SLC44A5: variants seen among roughly 807,000 people sequenced by gnomAD.
SLC44A5 encodes the protein solute carrier family 44 member 5.
SLC44A5 carries 57 observed loss-of-function variants against 101.8 expected under a neutral mutation model. That is an observed-to-expected ratio of 0.56 (90% confidence interval 0.45 to 0.70). SLC44A5 has a LOEUF of 0.70. Among genes scored for constraint, SLC44A5 ranks in the 30% least tolerant of loss-of-function variants. The pLI, the probability that SLC44A5 is intolerant of heterozygous loss-of-function variation, is 0.00. For synonymous variants in SLC44A5, 281 were observed against 290.9 expected (o/e 0.97, Z 0.35); for missense variants, 737 against 853.1 (o/e 0.86, Z 1.70).
In SLC44A5 at chr1:75,218,556, C is replaced by T; in HGVS notation, c.1463G>A (p.Trp488Ter). The change falls in exon 17 of 24, where the codon TGG becomes TAG. Residue 488 changes from tryptophan (W) to a stop codon, truncating the protein, a stop_gained. Coordinates refer to ENST00000370859, the MANE Select transcript of SLC44A5 (RefSeq NM_001130058.2). LOFTEE classifies it high-confidence loss of function. ...GATGTCATCAGGTTTTTTCATGGCCCAGTAATAAGTAGCGAATGCACCAGC... is the reference window on the plus strand; with the variant it reads ...GATGTCATCAGGTTTTTTCATGGCCTAGTAATAAGTAGCGAATGCACCAGC... The part of the protein sequence containing the change: ...ALAGAFATYY[W>*]AMKKPDDIPR... The T allele has an allele frequency of 6.2e-7, 1 of 1,613,710 alleles. No individual in the cohort carries two copies. The highest frequency in any genetic ancestry group is 8.5e-7 in the Non-Finnish European group (1 of 1,179,762).
chr1:75,414,027 G>A (rs991738071), intron 2 of SLC44A5, among the ~76,000 whole-genome samples: 2 of 152,126 alleles, frequency 1.3e-5, no homozygotes, highest in Admixed American at 6.5e-5. Flanking sequence ...AAAGGGAACC[G>A]TAATTTTTTC....
intron 4 of SLC44A5, among the ~76,000 whole-genome samples, chr1:75,314,775 A>G (rs78870733): frequency 0.05 from 7,558 of 152,220 alleles, 229 homozygotes; most frequent in Middle Eastern, 0.12. Flanking sequence ...GATCTATCAA[A>G]TTTGATTTTA....
chr1:75,719,046 T>A, the SLC44A5 span, among the ~76,000 whole-genome samples: 1 of 152,146 alleles, frequency 6.6e-6, no homozygotes, highest in Non-Finnish European at 1.5e-5. Context: ...ATGGTCTATT[T>A]TCAGACATGA....
At chr1:75,215,962 G>A (rs1172049411) in intron 18 of SLC44A5, 105 bp from the exon 19 acceptor site, 2 of 667,634 alleles carry the variant, frequency 3.0e-6, no homozygotes, top group South Asian at 2.0e-5. Context: ...ATTTTTTATT[G>A]TTATAAAATA....
chr1:75,331,314 C>A (rs1431447188), intron 4 of SLC44A5, among the ~76,000 whole-genome samples: 3 of 152,136 alleles, frequency 2.0e-5, no homozygotes, highest in Non-Finnish European at 4.4e-5. Context: ...CCTCTCTAAT[C>A]TTTTCATCTG....
At chr1:75,641,724 T>A in the SLC44A5 span, 1 of 1,568,546 alleles carries the variant, frequency 6.4e-7, no homozygotes, top group Non-Finnish European at 8.8e-7. Context: ...AAGTCATTGA[T>A]TACAAATGGA....
intron 2 of SLC44A5, among the ~76,000 whole-genome samples, chr1:75,536,801 T>G (rs1671043848): frequency 6.9e-6 from 1 of 144,080 alleles, no homozygotes; most frequent in African/African-American, 2.5e-5. Flanking sequence ...GGTCAGGAGA[T>G]CGAGACCATC....
chr1:75,236,759 A>T (rs945876803), intron 11 of SLC44A5, among the ~76,000 whole-genome samples: 3 of 152,070 alleles, frequency 2.0e-5, no homozygotes, highest in African/African-American at 7.2e-5. Flanking sequence ...TAGTGAATAA[A>T]ATTAAAATTT....
the SLC44A5 span, among the ~76,000 whole-genome samples, chr1:75,617,246 TCTC>T: frequency 6.6e-6 from 1 of 152,076 alleles, no homozygotes; most frequent in Non-Finnish European, 1.5e-5. Context: ...TCTTAACACT[TCTC>T]CTTTCCTCCT....
chr1:75,672,232 C>A, the SLC44A5 span, among the ~76,000 whole-genome samples: 5 of 152,102 alleles, frequency 3.3e-5, no homozygotes, highest in Non-Finnish European at 1.5e-5. Context: ...CCTATGCCAC[C>A]CTTCCCCCAT....
chr1:75,582,155 C>A, intron 1 of SLC44A5: 1 of 779,084 alleles, frequency 1.3e-6, no homozygotes, highest in Non-Finnish European at 2.3e-6. Flanking sequence ...ACAGAAATTG[C>A]CTCAAGAAAC....
At chr1:75,315,272 C>T (rs1019087038) in intron 4 of SLC44A5, among the ~76,000 whole-genome samples, 4 of 152,058 alleles carry the variant, frequency 2.6e-5, no homozygotes, top group African/African-American at 9.7e-5. Context: ...CATCTATATA[C>T]AAAAGCTTAA....
At chr1:75,207,748 G>C (rs187044552) in intron 23 of SLC44A5, among the ~76,000 whole-genome samples, 11 of 152,146 alleles carry the variant, frequency 7.2e-5, no homozygotes, top group Admixed American at 6.5e-4. Context: ...ACTTTCTGTG[G>C]TTTTAGTTAC....
intron 1 of SLC44A5, among the ~76,000 whole-genome samples, chr1:75,554,199 G>A (rs1053566957): frequency 6.6e-6 from 1 of 152,072 alleles, no homozygotes; most frequent in East Asian, 1.9e-4. Flanking sequence ...GTATCAGGCT[G>A]GGTGCAGTGG....
chr1:75,302,007 T>A (rs1051811704), intron 4 of SLC44A5, among the ~76,000 whole-genome samples: 2 of 151,950 alleles, frequency 1.3e-5, no homozygotes, highest in Non-Finnish European at 2.9e-5. Flanking sequence ...CAACAAACTG[T>A]CATTTGTTTA....
chr1:75,215,790 AT>A lies in SLC44A5; in HGVS notation c.1691del (p.Asn564MetfsTer3). 6.2e-7 allele frequency: 1 copy of A among 1,608,366 alleles called. No homozygotes were observed. The highest frequency in any genetic ancestry group is 8.5e-7 in the Non-Finnish European group (1 of 1,175,346). ...CLRCCFWCLE[N>X]AIKFLNRNAY... ...CATTTCTGTTTAAAAACTTTATTGC[AT>A]TTTCCAAACACCAGAAGCAGCATCT... On this transcript the variant is annotated frameshift_variant, in exon 19 of 24. Coordinates refer to ENST00000370859, the MANE Select transcript of SLC44A5 (RefSeq NM_001130058.2). LOFTEE classifies it high-confidence loss of function.
chr1:75,286,424 C>T (rs1027936547), intron 5 of SLC44A5, among the ~76,000 whole-genome samples: 1 of 152,114 alleles, frequency 6.6e-6, no homozygotes, highest in African/African-American at 2.4e-5. Context: ...CTTGTCCATT[C>T]CGCCAATCCA....
intron 6 of SLC44A5, among the ~76,000 whole-genome samples, chr1:75,262,929 A>G (rs1002431746): frequency 2.0e-5 from 3 of 152,238 alleles, no homozygotes; most frequent in African/African-American, 7.2e-5. Flanking sequence ...GGCTAGCCAT[A>G]TGCAGAAAGC....
chr1:75,284,744 T>A (rs1652898773), intron 5 of SLC44A5, among the ~76,000 whole-genome samples: 1 of 152,168 alleles, frequency 6.6e-6, no homozygotes, highest in Non-Finnish European at 1.5e-5. Context: ...ATCAAATGCT[T>A]TTCCTGTGTC....
Sources: gnomAD v4.1 joint callset for allele counts (sites outside exome capture counted in the v4.1 genomes callset) on GRCh38, gnomAD v4.1.1 for gene constraint, MANE v1.5 for transcripts, NCBI Gene and HGNC (gene_info 2026-07-23, HGNC 2026-07-21) for gene names.